Variants in GRXCR1 observed in about 807,000 individuals in gnomAD.
GRXCR1 encodes the protein glutaredoxin and cysteine rich domain containing 1, also known as glutaredoxin domain-containing cysteine-rich protein 1.
Under a neutral mutation model 27.3 loss-of-function variants are expected in GRXCR1, and 27 were observed. The observed-to-expected ratio is 0.99, with a 90% CI of 0.73 to 1.37. The LOEUF (loss-of-function observed/expected upper bound fraction) is 1.37. Among genes scored for constraint, GRXCR1 ranks in the 40% most tolerant of loss-of-function variants. The pLI, the probability that GRXCR1 is intolerant of heterozygous loss-of-function variation, is 0.00. For synonymous variants in GRXCR1, 122 were observed against 131.1 expected (o/e 0.93, Z 0.47); for missense variants, 379 against 354.4 (o/e 1.07, Z -0.56).
At chr4:42,987,215 A>ATATATATATTATATAT (rs1553943893) in intron 2 of GRXCR1, among the ~76,000 whole-genome samples, 4 of 31,288 alleles carry the variant, frequency 1.3e-4, no homozygotes, top group African/African-American at 1.7e-4. Flanking sequence ...TATATATTAT[A>ATATATATATTATATAT]TATATATTAT....
intron 2 of GRXCR1, among the ~76,000 whole-genome samples, chr4:42,973,979 A>G (rs981773414): frequency 1.3e-5 from 2 of 152,172 alleles, no homozygotes; most frequent in Non-Finnish European, 2.9e-5. Context: ...ATTGGTGGCT[A>G]TCTGCACAAC....
At chr4:43,011,483 A>G (rs1420775827) in intron 2 of GRXCR1, among the ~76,000 whole-genome samples, 1 of 152,058 alleles carries the variant, frequency 6.6e-6, no homozygotes, top group Non-Finnish European at 1.5e-5. Flanking sequence ...GTAATACCGT[A>G]CCTTCCCCAT....
intron 2 of GRXCR1, among the ~76,000 whole-genome samples, chr4:42,984,380 C>A (rs1168393592): frequency 6.6e-6 from 1 of 152,212 alleles, no homozygotes; most frequent in Non-Finnish European, 1.5e-5. Flanking sequence ...GGCAGTTCAT[C>A]TATCTTCATT....
At chr4:42,970,088 A>T (rs1318915733) in intron 2 of GRXCR1, among the ~76,000 whole-genome samples, 1 of 152,066 alleles carries the variant, frequency 6.6e-6, no homozygotes, top group Non-Finnish European at 1.5e-5. Context: ...ATCTCCTGTG[A>T]CTCCATGTCT....
chr4:42,999,373 A>C (rs1439767301), intron 2 of GRXCR1, among the ~76,000 whole-genome samples: 5 of 152,230 alleles, frequency 3.3e-5, no homozygotes, highest in Admixed American at 3.3e-4. Context: ...CCACTTAAAC[A>C]TGAGCTTCTT....
chr4:42,968,704 A>T lies in GRXCR1; in HGVS notation c.627+5570A>T, dbSNP rs750463154. 3.9e-4 allele frequency among the ~76,000 whole-genome samples: 59 copies of T among 152,126 alleles called. 1 individual carries two copies. The highest frequency in any genetic ancestry group is 8.1e-4 in the Non-Finnish European group (55 of 68,006). On this transcript the variant is annotated intron_variant, in intron 2 of 3. Coordinates refer to ENST00000399770, the MANE Select transcript of GRXCR1 (RefSeq NM_001080476.3). ...TTGCCATCATACCTGTATTCCATTC[A>T]GAAATGGAATAAAAAAGAAAAGCAA...
At chr4:42,911,480 T>C (rs1746721676) in intron 1 of GRXCR1, among the ~76,000 whole-genome samples, 1 of 152,002 alleles carries the variant, frequency 6.6e-6, no homozygotes, top group African/African-American at 2.4e-5. Flanking sequence ...CAATATGAAA[T>C]ATTGCAAGAT....
At chr4:42,973,462 C>A (rs1171634976) in intron 2 of GRXCR1, among the ~76,000 whole-genome samples, 2 of 151,836 alleles carry the variant, frequency 1.3e-5, no homozygotes, top group Non-Finnish European at 2.9e-5. Flanking sequence ...TTTTGGGGGT[C>A]CTTGCCGATG....
intron 1 of GRXCR1, among the ~76,000 whole-genome samples, chr4:42,931,433 T>G (rs1747302885): frequency 6.6e-6 from 1 of 151,924 alleles, no homozygotes; most frequent in South Asian, 2.1e-4. Context: ...CTTTAAGTTT[T>G]TTGTTGGTAG....
chr4:43,024,550 C>A (rs1713195577), intron 3 of GRXCR1, among the ~76,000 whole-genome samples: 2 of 152,126 alleles, frequency 1.3e-5, no homozygotes, highest in Admixed American at 6.5e-5. Flanking sequence ...AGGTTTATGG[C>A]AGTTCATCCC....
chr4:43,020,469 A>C (rs746209265), intron 3 of GRXCR1, 50 bp downstream of exon 3: 1 of 1,119,530 alleles, frequency 8.9e-7, no homozygotes, highest in East Asian at 2.4e-5. Flanking sequence ...TATTAAACAC[A>C]TTCTGATTAT....
intron 1 of GRXCR1, among the ~76,000 whole-genome samples, chr4:42,955,482 T>C (rs573341243): frequency 6.6e-6 from 1 of 152,070 alleles, no homozygotes; most frequent in Non-Finnish European, 1.5e-5. Context: ...CTTGGCTCAG[T>C]GGAAAGCACG....
Position 42,893,466 on chromosome 4 carries a change from A to G in GRXCR1, c.200A>G (p.Glu67Gly). 1 of 1,613,846 alleles carries G rather than the reference A, an allele frequency of 6.2e-7. No individual in the cohort carries two copies. Among genetic ancestry groups the G allele is most frequent in the Non-Finnish European group, 8.5e-7 (1 of 1,179,842 alleles). Residue 67 changes from glutamate (E) to glycine (G), a missense_variant, in exon 1 of 4, where the codon GAG becomes GGG. Transcript: ENST00000399770. ...DSDGQQNGHI[E>G]SEGDENENDQ... ...GATGGACAGCAGAATGGCCACATAG[A>G]GTCAGAAGGTGATGAGAATGAGAAT...
intron 1 of GRXCR1, among the ~76,000 whole-genome samples, chr4:42,939,344 G>A (rs887013335): frequency 3.3e-5 from 5 of 151,874 alleles, no homozygotes; most frequent in South Asian, 2.1e-4. Flanking sequence ...AATTTTGTAC[G>A]TTGATTTTTA....
chr4:42,960,550 G>T (rs1412998106), intron 1 of GRXCR1, among the ~76,000 whole-genome samples: 1 of 151,330 alleles, frequency 6.6e-6, no homozygotes, highest in African/African-American at 2.4e-5. Flanking sequence ...ACTTATATTT[G>T]TTTTTTTAAT....
chr4:43,009,917 G>A (rs573059787), intron 2 of GRXCR1, among the ~76,000 whole-genome samples: 28 of 152,094 alleles, frequency 1.8e-4, no homozygotes, highest in African/African-American at 6.7e-4. Flanking sequence ...TGAATCATAA[G>A]CTAGTGATTC....
At chr4:42,974,177 G>A (rs995294822) in intron 2 of GRXCR1, among the ~76,000 whole-genome samples, 8 of 152,068 alleles carry the variant, frequency 5.3e-5, no homozygotes, top group Non-Finnish European at 1.2e-4. Context: ...TCTGGGCTGG[G>A]GTTTTTAAGT....
chr4:42,943,741 CCAGATATTGCCCTAGGT>C (rs1449383509), intron 1 of GRXCR1, among the ~76,000 whole-genome samples: 1 of 151,988 alleles, frequency 6.6e-6, no homozygotes, highest in African/African-American at 2.4e-5. Flanking sequence ...CTGCTATGTG[CCAGATATTGCCCTAGGT>C]CAGTGGCTCT....
chr4:42,925,299 A>C (rs1158096209), intron 1 of GRXCR1, among the ~76,000 whole-genome samples: 1 of 152,034 alleles, frequency 6.6e-6, no homozygotes, highest in Non-Finnish European at 1.5e-5. Flanking sequence ...GAGTAAAGGC[A>C]AATTGCCAAT....
Sources: allele counts gnomAD v4.1 joint callset (sites outside exome capture counted in the v4.1 genomes callset), GRCh38; gene constraint gnomAD v4.1.1; transcripts MANE v1.5; gene names NCBI Gene and HGNC (gene_info 2026-07-23, HGNC 2026-07-21).